COQ10B: variants seen among roughly 807,000 people sequenced by gnomAD.
COQ10B encodes the protein coenzyme Q-binding protein COQ10 homolog B, mitochondrial.
Under a neutral mutation model 27.6 loss-of-function variants are expected in COQ10B, and 12 were observed. The observed-to-expected ratio is 0.43, with a 90% CI of 0.28 to 0.70. The LOEUF is 0.70. COQ10B is among the 30% of genes least tolerant of loss of function. The probability of loss-of-function intolerance (pLI) is 0.17; values close to 1 mark genes in which losing one functional copy is unlikely to be tolerated. For missense variants in COQ10B, 278 were observed against 288.7 expected, an observed-to-expected ratio of 0.96 and a Z score of 0.27; for synonymous variants, 115 against 103.0, an observed-to-expected ratio of 1.12 and a Z score of -0.71.
intron 4 of COQ10B, among the ~76,000 whole-genome samples, chr2:197,473,415 A>T (rs61526008): frequency 0.024 from 1,434 of 58,814 alleles, 20 homozygotes; most frequent in African/African-American, 0.065. Flanking sequence ...AAAAAAAAAA[A>T]ATATATATAT....
chr2:197,453,861 T>C, intron 1 of COQ10B, 197 bp downstream of exon 1: 2 of 1,266,866 alleles, frequency 1.6e-6, no homozygotes, highest in South Asian at 1.4e-5. Flanking sequence ...AAGGCTGTGT[T>C]CGTGGCTCGT....
intron 4 of COQ10B, among the ~76,000 whole-genome samples, chr2:197,473,415 A>AAATAT (rs1229206676): frequency 5.5e-4 from 33 of 59,500 alleles, no homozygotes; most frequent in Non-Finnish European, 7.6e-4. Context: ...AAAAAAAAAA[A>AAATAT]ATATATATAT....
At chr2:197,464,039 A>T (rs1432355014) in intron 3 of COQ10B, among the ~76,000 whole-genome samples, 1 of 120,740 alleles carries the variant, frequency 8.3e-6, no homozygotes. Flanking sequence ...ACATACACAC[A>T]CATATATATA....
At chr2:197,465,806 C>G (rs972001644) in intron 3 of COQ10B, among the ~76,000 whole-genome samples, 1 of 152,088 alleles carries the variant, frequency 6.6e-6, no homozygotes, top group South Asian at 2.1e-4. Flanking sequence ...AACAAACAGG[C>G]TGGATGTGGT....
intron 1 of COQ10B, among the ~76,000 whole-genome samples, chr2:197,458,644 A>G (rs996147383): frequency 5.9e-5 from 9 of 152,096 alleles, no homozygotes; most frequent in African/African-American, 1.7e-4. Context: ...GTAGTGTCAA[A>G]TAGTCAAATA....
chr2:197,462,810 T>A, intron 3 of COQ10B, 79 bp downstream of exon 3: 1 of 821,656 alleles, frequency 1.2e-6, no homozygotes, highest in Non-Finnish European at 1.8e-6. Flanking sequence ...TGTAATAGCC[T>A]AAAAAAACTT....
chr2:197,467,258 T>TTTTATTTA (rs55707253), intron 3 of COQ10B, among the ~76,000 whole-genome samples: 2 of 148,098 alleles, frequency 1.4e-5, no homozygotes, highest in Admixed American at 1.4e-4. Flanking sequence ...GGGTTCTGGA[T>TTTTATTTA]TTTATTTATT....
At chr2:197,455,065 G>A (rs2085681694) in intron 1 of COQ10B, among the ~76,000 whole-genome samples, 1 of 152,088 alleles carries the variant, frequency 6.6e-6, no homozygotes, top group Non-Finnish European at 1.5e-5. Context: ...TGTCCTGTTA[G>A]TTTGCTTTAA....
rs2085739112 is a variant in COQ10B, at chr2:197,460,014, A to C, written c.187A>C (p.Thr63Pro). The change falls in exon 2 of 5, where the codon ACT becomes CCT. Residue 63 changes from threonine (T) to proline (P), a missense_variant. By Grantham distance (38) the Thr-to-Pro change is conservative. Coordinates refer to ENST00000263960, the MANE Select transcript of COQ10B (RefSeq NM_025147.5). ...SILPKEICAR[T>P]FFKITAPLIN... ...TTTGCCTAAGGAGATATGTGCACGA[A>C]CTTTCTTCAAAATCACTGCACCATT... 1 of 1,611,846 alleles carries C rather than the reference A, an allele frequency of 6.2e-7. No homozygotes were observed. The highest frequency in any genetic ancestry group is 1.3e-5 in the African/African-American group (1 of 74,904).
In COQ10B at chr2:197,459,980, T is replaced by TA. The variant is rs750045220; in HGVS notation, c.154dup (p.Thr52AsnfsTer6). 1 of 1,611,890 alleles carries TA rather than the reference T, an allele frequency of 6.2e-7. No homozygotes were observed. The highest frequency in any genetic ancestry group is 1.3e-5 in the African/African-American group (1 of 74,860). On this transcript the variant is annotated frameshift_variant, in exon 2 of 5. Transcript: ENST00000263960. LOFTEE classifies it high-confidence loss of function. ...TGATGAGCAGAACTCTTCCACTACA[T>TA]ACCTCAATTTTGCCTAAGGAGATAT...
chr2:197,474,788 T>C lies in COQ10B; in HGVS notation c.*864T>C, dbSNP rs1259863698. 1 of 151,906 alleles carries C rather than the reference T, an allele frequency of 6.6e-6. No homozygotes were observed. The highest frequency in any genetic ancestry group is 2.4e-5 in the African/African-American group (1 of 41,342). The allele number at this position is 151,906 out of a possible 1,614,324, so 9.4% of individuals were successfully genotyped here. ...GATAAATTCATTGCCATAATGAGGCTAGCTCCCAGATAAACAGTGTATTTT... is the reference window on the plus strand; with the variant it reads ...GATAAATTCATTGCCATAATGAGGCCAGCTCCCAGATAAACAGTGTATTTT... On this transcript the variant is annotated 3_prime_UTR_variant, in exon 5 of 5. Transcript: ENST00000263960.
At position 197,453,554 on chromosome 2, in the gene COQ10B, G is replaced by A. The variant is rs1470955398; in HGVS notation, c.-7G>A. On this transcript the variant is annotated 5_prime_UTR_variant, in exon 1 of 5. Coordinates refer to ENST00000263960, the MANE Select transcript of COQ10B (RefSeq NM_025147.5). Reference sequence around the variant, plus strand: ...GGGAGGTGACGACCGGCTTCGGAGAGTCTATCATGGCAGCTCGGACTGGTC... The same window carrying A: ...GGGAGGTGACGACCGGCTTCGGAGAATCTATCATGGCAGCTCGGACTGGTC... The A allele has an allele frequency of 2.5e-6, 4 of 1,610,460 alleles. No homozygotes were observed. The Admixed American group carries it at 5.0e-5, about 20-fold the overall frequency.
At chr2:197,458,037 T>G (rs1157693767) in intron 1 of COQ10B, among the ~76,000 whole-genome samples, 3 of 152,180 alleles carry the variant, frequency 2.0e-5, no homozygotes, top group Non-Finnish European at 4.4e-5. Flanking sequence ...TCTAAAGTTC[T>G]TCATTGTATT....
At chr2:197,468,000 T>G (rs974596410) in intron 3 of COQ10B, among the ~76,000 whole-genome samples, 1 of 152,242 alleles carries the variant, frequency 6.6e-6, no homozygotes, top group Non-Finnish European at 1.5e-5. Flanking sequence ...TAGGTCATCA[T>G]TATGACAGCT....
chr2:197,453,934 G>T, intron 1 of COQ10B: 1 of 1,545,754 alleles, frequency 6.5e-7, no homozygotes, highest in South Asian at 1.2e-5. Flanking sequence ...GGCCATTGGT[G>T]CCTTTGGGCT....
chr2:197,459,017 T>A (rs2085729381), intron 1 of COQ10B, among the ~76,000 whole-genome samples: 1 of 152,132 alleles, frequency 6.6e-6, no homozygotes, highest in African/African-American at 2.4e-5. Context: ...GTTGAAAATA[T>A]TTAGGTGAAC....
chr2:197,468,744 G>A (rs1417572116), intron 3 of COQ10B, among the ~76,000 whole-genome samples: 1 of 152,068 alleles, frequency 6.6e-6, no homozygotes, highest in Non-Finnish European at 1.5e-5. Flanking sequence ...GTTCACTTGA[G>A]CCCAGGAGTT....
At position 197,468,089 on chromosome 2, in the gene COQ10B, G is replaced by A. The variant is rs28539487; in HGVS notation, c.448-1981G>A. 4.3e-3 allele frequency among the ~76,000 whole-genome samples: 659 copies of A among 152,174 alleles called. 6 individuals are homozygous for A. Among genetic ancestry groups the A allele is most frequent in the African/African-American group, 0.015 (629 of 41,506 alleles). ...TGTCAAAACATAACAGTAAAAATCC[G>A]TGCGTCCTTGGGCTAGATAATTGGA... On this transcript the variant is annotated intron_variant, in intron 3 of 4. Coordinates refer to ENST00000263960, the MANE Select transcript of COQ10B (RefSeq NM_025147.5).
At chr2:197,456,928 C>T (rs539605264) in intron 1 of COQ10B, among the ~76,000 whole-genome samples, 2 of 151,280 alleles carry the variant, frequency 1.3e-5, no homozygotes, top group Admixed American at 6.6e-5. Flanking sequence ...GGTCTGTACC[C>T]GCGATTTCCC....
Sources: allele counts gnomAD v4.1 joint callset (sites outside exome capture counted in the v4.1 genomes callset), GRCh38; gene constraint gnomAD v4.1.1; transcripts MANE v1.5; gene names NCBI Gene and HGNC (gene_info 2026-07-23, HGNC 2026-07-21).